The following GRM7 variants were observed in gnomAD, a reference collection of about 807,000 sequenced individuals.
The protein encoded by GRM7 is metabotropic glutamate receptor 7.
A neutral mutation model predicts 84.5 loss-of-function variants in GRM7; 35 were observed. That is an observed-to-expected ratio of 0.41 (90% CI 0.32 to 0.55). The LOEUF (loss-of-function observed/expected upper bound fraction) is 0.55, where lower values mean the gene tolerates loss of function less well. Ranked by LOEUF, GRM7 falls within the 20% of genes least tolerant of loss-of-function variation. The pLI is 0.19. For missense variants in GRM7, 1,003 were observed against 1,194.6 expected, an observed-to-expected ratio of 0.84 and a Z score of 2.36; for synonymous variants, 487 against 455.1, an observed-to-expected ratio of 1.07 and a Z score of -0.89.
intron 2 of GRM7, among the ~76,000 whole-genome samples, chr3:7,205,344 T>G (rs1257375116): frequency 6.6e-6 from 1 of 152,200 alleles, no homozygotes; most frequent in Non-Finnish European, 1.5e-5. Flanking sequence ...ATTAATAATT[T>G]GGGAAAGATC....
chr3:7,526,967 T>C (rs2124999159), intron 7 of GRM7, among the ~76,000 whole-genome samples: 1 of 152,220 alleles, frequency 6.6e-6, no homozygotes, highest in South Asian at 2.1e-4. Flanking sequence ...ATGTGATTCA[T>C]CTGGCTTTGT....
At chr3:7,143,635 G>A (rs1694019826) in intron 1 of GRM7, among the ~76,000 whole-genome samples, 1 of 152,178 alleles carries the variant, frequency 6.6e-6, no homozygotes, top group Non-Finnish European at 1.5e-5. Flanking sequence ...GGGGCATGGT[G>A]TAGAAAATGC....
chr3:7,688,377 A>C (rs1559488352), intron 9 of GRM7, among the ~76,000 whole-genome samples: 1 of 152,082 alleles, frequency 6.6e-6, no homozygotes, highest in Non-Finnish European at 1.5e-5. Flanking sequence ...CTATGTCAAT[A>C]TCATAGGGCT....
At chr3:7,487,869 G>A (rs78985930) in intron 7 of GRM7, among the ~76,000 whole-genome samples, 1,955 of 152,274 alleles carry the variant, frequency 0.013, 34 homozygotes, top group African/African-American at 0.044. Flanking sequence ...TTGGCAGCCC[G>A]TAATGCTAGT....
At chr3:7,381,137 C>G (rs940800137) in intron 4 of GRM7, among the ~76,000 whole-genome samples, 1 of 151,994 alleles carries the variant, frequency 6.6e-6, no homozygotes, top group Admixed American at 6.5e-5. Context: ...TCATCTACTT[C>G]CTTGACTTTA....
chr3:7,451,325 T>G lies in GRM7; in HGVS notation c.1175-1282T>G, dbSNP rs1697759295. On this transcript the variant is annotated intron_variant, in intron 5 of 9. Coordinates refer to ENST00000357716, the MANE Select transcript of GRM7 (RefSeq NM_000844.4). ...ATGTCTTGGACACCTGGTAGAGCAT[T>G]AAAATATGATTCTATATTGACAGTG... 2.0e-5 allele frequency among the ~76,000 whole-genome samples: 3 copies of G among 152,184 alleles called. No individual in the cohort carries two copies. In the South Asian group the frequency reaches 6.2e-4, roughly 31 times the overall value.
intron 1 of GRM7, among the ~76,000 whole-genome samples, chr3:7,138,292 C>A (rs1206525875): frequency 1.3e-5 from 2 of 151,660 alleles, no homozygotes; most frequent in African/African-American, 4.8e-5. Flanking sequence ...GACAATATGC[C>A]CAATCAACAA....
intron 4 of GRM7, among the ~76,000 whole-genome samples, chr3:7,375,638 T>A (rs1694320667): frequency 6.6e-6 from 1 of 152,200 alleles, no homozygotes; most frequent in Non-Finnish European, 1.5e-5. Context: ...TTGCTGTTCC[T>A]GTGCCTGCAC....
intron 1 of GRM7, among the ~76,000 whole-genome samples, chr3:6,880,179 C>A (rs1166961963): frequency 6.6e-6 from 1 of 152,154 alleles, no homozygotes; most frequent in Non-Finnish European, 1.5e-5. Flanking sequence ...AGATGGCTCA[C>A]AGAGTCTGCA....
At chr3:7,463,486 A>C (rs1017347422) in intron 7 of GRM7, among the ~76,000 whole-genome samples, 2 of 152,084 alleles carry the variant, frequency 1.3e-5, no homozygotes, top group African/African-American at 4.8e-5. Context: ...GCACTGCAAG[A>C]GTCAATGTGT....
At chr3:7,258,675 TG>T (rs1698298458) in intron 2 of GRM7, among the ~76,000 whole-genome samples, 1 of 152,252 alleles carries the variant, frequency 6.6e-6, no homozygotes, top group African/African-American at 2.4e-5. Context: ...AGGCTGGGTT[TG>T]GACCATGGGC....
chr3:7,154,228 T>C (rs985061148), intron 2 of GRM7, among the ~76,000 whole-genome samples: 1 of 152,162 alleles, frequency 6.6e-6, no homozygotes, highest in African/African-American at 2.4e-5. Flanking sequence ...CACTGGGAAC[T>C]ACCATATTGT....
chr3:7,452,479 T>C lies in GRM7; in HGVS notation c.1175-128T>C, dbSNP rs1243300519. 7 of 683,578 alleles carry C rather than the reference T, an allele frequency of 1.0e-5. No homozygotes were observed. The East Asian group carries it at 1.6e-4, about 16-fold the overall frequency. 42.3% of individuals were successfully genotyped at this position (683,578 alleles called of 1,614,324 possible). ...GGTAGGCAAATGTGGCTTGAATTACTGTATTTATCGAAGCAGTGTTTTCTT... is the reference window on the plus strand; with the variant it reads ...GGTAGGCAAATGTGGCTTGAATTACCGTATTTATCGAAGCAGTGTTTTCTT... On this transcript the variant is annotated intron_variant, in intron 5 of 9. Transcript: ENST00000357716.
chr3:7,714,040 T>C (rs1048369763), intron 9 of GRM7, among the ~76,000 whole-genome samples: 1 of 152,132 alleles, frequency 6.6e-6, no homozygotes, highest in Non-Finnish European at 1.5e-5. Flanking sequence ...CAGCTAAGCA[T>C]GCATTTCTGT....
intron 4 of GRM7, among the ~76,000 whole-genome samples, chr3:7,403,509 A>G (rs1445947087): frequency 6.6e-6 from 1 of 150,682 alleles, no homozygotes; most frequent in Admixed American, 6.6e-5. Context: ...CTTTCATACA[A>G]TAAATGATGA....
At chr3:7,662,914 A>G (rs1464618821) in intron 8 of GRM7, among the ~76,000 whole-genome samples, 1 of 152,238 alleles carries the variant, frequency 6.6e-6, no homozygotes, top group African/African-American at 2.4e-5. Context: ...ATAGGAATGC[A>G]GAAACAAGTT....
intron 1 of GRM7, among the ~76,000 whole-genome samples, chr3:6,905,936 G>T (rs1696558587): frequency 6.6e-6 from 1 of 152,142 alleles, no homozygotes; most frequent in Non-Finnish European, 1.5e-5. Flanking sequence ...AACTGAACTT[G>T]CATTCTGAGG....
At position 6,917,030 on chromosome 3, in the gene GRM7, C is replaced by T. The variant is rs114968849; in HGVS notation, c.519+55123C>T. 3.1e-3 allele frequency among the ~76,000 whole-genome samples: 474 copies of T among 152,102 alleles called. 5 individuals are homozygous for T. Among genetic ancestry groups the T allele is most frequent in the Middle Eastern group, 0.024 (7 of 294 alleles). ...AGGAGGAGGTGCAGATACTGCCTAG[C>T]GATTCTATTCAGAAGAATCCCAGCC... On this transcript the variant is annotated intron_variant, in intron 1 of 9. Transcript: ENST00000357716.
intron 1 of GRM7, among the ~76,000 whole-genome samples, chr3:6,926,467 G>C (rs1250413853): frequency 2.0e-5 from 3 of 152,186 alleles, no homozygotes; most frequent in African/African-American, 4.8e-5. Context: ...CTGAATGTTA[G>C]CTAAAATGCA....
Sources: gnomAD v4.1 joint callset for allele counts (sites outside exome capture counted in the v4.1 genomes callset) on GRCh38, gnomAD v4.1.1 for gene constraint, MANE v1.5 for transcripts, NCBI Gene and HGNC (gene_info 2026-07-23, HGNC 2026-07-21) for gene names.